Variants in FGF13 observed in about 807,000 individuals in gnomAD.
The protein encoded by FGF13 is fibroblast growth factor homologous factor 2.
Under a neutral mutation model 19.5 loss-of-function variants are expected in FGF13, and 2 were observed. The ratio of observed to expected loss-of-function variants is 0.10; its 90% CI spans 0.04 to 0.32. The LOEUF (loss-of-function observed/expected upper bound fraction) is 0.32. Ranked by LOEUF, FGF13 falls within the 10% of genes least tolerant of loss-of-function variation. FGF13 has a pLI of 1.00. For missense variants in FGF13, 113 were observed against 192.7 expected, an observed-to-expected ratio of 0.59 and a Z score of 2.45; for synonymous variants, 72 against 76.9, an observed-to-expected ratio of 0.94 and a Z score of 0.33.
intron 1 of FGF13, among the ~76,000 whole-genome samples, chrX:138,902,314 T>C (rs761147090): frequency 8.9e-6 from 1 of 112,241 alleles, no homozygotes; most frequent in South Asian, 3.7e-4. Flanking sequence ...ACCCATTTTG[T>C]ATAATACAGA....
chrX:139,083,399 G>C (rs2083383716), intron 1 of FGF13, among the ~76,000 whole-genome samples: 1 of 112,106 alleles, frequency 8.9e-6, no homozygotes, highest in Non-Finnish European at 1.9e-5. Flanking sequence ...GTGCCGATGA[G>C]TGAGGCCTTT....
chrX:139,034,812 A>C (rs2092245347), intron 1 of FGF13, among the ~76,000 whole-genome samples: 1 of 112,110 alleles, frequency 8.9e-6, no homozygotes, highest in Non-Finnish European at 1.9e-5. Flanking sequence ...GGAGTTAGGA[A>C]TTACTTTTTA....
chrX:139,028,371 T>C (rs193169707), intron 1 of FGF13, among the ~76,000 whole-genome samples: 27 of 111,161 alleles, frequency 2.4e-4, no homozygotes, highest in African/African-American at 8.8e-4. Flanking sequence ...CACAAACAAA[T>C]AGAGTAATCC....
At chrX:139,002,594 G>C (rs1330212654) in intron 1 of FGF13, among the ~76,000 whole-genome samples, 1 of 110,689 alleles carries the variant, frequency 9.0e-6, no homozygotes, top group Non-Finnish European at 1.9e-5. Flanking sequence ...AAGCTGTACA[G>C]CTTGCAGTTC....
At chrX:139,183,252 G>C (rs755485301) in intron 1 of FGF13, among the ~76,000 whole-genome samples, 1 of 112,091 alleles carries the variant, frequency 8.9e-6, no homozygotes, top group South Asian at 3.7e-4. Context: ...TTTCACATTA[G>C]GTCTGTGACC....
At chrX:139,091,081 T>C (rs919380769) in intron 1 of FGF13, among the ~76,000 whole-genome samples, 2 of 110,785 alleles carry the variant, frequency 1.8e-5, no homozygotes, top group African/African-American at 6.6e-5. Context: ...TTGCTCTCTC[T>C]CTTTGTCTAA....
chrX:138,802,855 A>G (rs1293001690), intron 3 of FGF13, among the ~76,000 whole-genome samples: 1 of 111,617 alleles, frequency 9.0e-6, no homozygotes, highest in Non-Finnish European at 1.9e-5. Flanking sequence ...CGCCCCCTCC[A>G]AAGCATCAAT....
chrX:139,154,295 C>T (rs2083959730), intron 1 of FGF13, among the ~76,000 whole-genome samples: 1 of 111,180 alleles, frequency 9.0e-6, no homozygotes, highest in South Asian at 3.8e-4. Flanking sequence ...CTGAGAGTCG[C>T]CATGAGTTTT....
chrX:138,931,740 A>G (rs977988928), intron 1 of FGF13, among the ~76,000 whole-genome samples: 2 of 112,254 alleles, frequency 1.8e-5, no homozygotes, highest in Non-Finnish European at 3.8e-5. Flanking sequence ...GGCAGAATTT[A>G]TCATTTGCAA....
chrX:139,010,791 G>T (rs2124372896), intron 1 of FGF13, among the ~76,000 whole-genome samples: 1 of 108,185 alleles, frequency 9.2e-6, no homozygotes, highest in Admixed American at 1.0e-4. Context: ...CAGAAGAAAA[G>T]AAATAATGAA....
intron 3 of FGF13, among the ~76,000 whole-genome samples, chrX:138,798,856 G>A (rs1220962147): frequency 2.7e-5 from 3 of 109,094 alleles, no homozygotes; most frequent in African/African-American, 1.0e-4. Flanking sequence ...TTTGTGTAGA[G>A]TTGTTTATAG....
At chrX:138,796,783 T>A (rs2090781988) in intron 3 of FGF13, among the ~76,000 whole-genome samples, 1 of 112,282 alleles carries the variant, frequency 8.9e-6, no homozygotes, top group Non-Finnish European at 1.9e-5. Context: ...CTCATTGTGG[T>A]TTTGGTTTGC....
At chrX:138,913,316 G>A (rs929929027) in intron 1 of FGF13, among the ~76,000 whole-genome samples, 11 of 104,618 alleles carry the variant, frequency 1.1e-4, no homozygotes, top group African/African-American at 3.9e-4. Context: ...ACAGGCGTGT[G>A]CCACTACACC....
intron 1 of FGF13, among the ~76,000 whole-genome samples, chrX:139,139,231 C>T (rs977203096): frequency 8.9e-6 from 1 of 111,771 alleles, no homozygotes; most frequent in East Asian, 2.8e-4. Flanking sequence ...CCATGCCCGA[C>T]CTGTTATTAA....
At chrX:139,044,656 T>TAAAA (rs764351374) in intron 1 of FGF13, among the ~76,000 whole-genome samples, 2 of 110,041 alleles carry the variant, frequency 1.8e-5, no homozygotes, top group African/African-American at 6.6e-5. Flanking sequence ...ATTCCAGCAT[T>TAAAA]AAAAAAAAGG....
intron 3 of FGF13, among the ~76,000 whole-genome samples, chrX:138,681,099 G>A (rs1007048897): frequency 9.4e-6 from 1 of 106,318 alleles, no homozygotes; most frequent in Admixed American, 1.0e-4. Context: ...TCTTGAACCC[G>A]GGAGGCAGAG....
intron 3 of FGF13, among the ~76,000 whole-genome samples, chrX:138,804,476 A>T (rs1400828958): frequency 8.9e-6 from 1 of 112,098 alleles, no homozygotes; most frequent in South Asian, 3.7e-4. Context: ...GGAGCCATTA[A>T]TTGTTCAATG....
chrX:138,844,345 C>T (rs1165408064), intron 3 of FGF13, among the ~76,000 whole-genome samples: 2 of 112,154 alleles, frequency 1.8e-5, no homozygotes, highest in Non-Finnish European at 3.8e-5. Context: ...AAGCCTTAAA[C>T]TTTACAGGCA....
At chrX:138,791,029 AAT>A (rs1395395462) in intron 3 of FGF13, among the ~76,000 whole-genome samples, 1 of 112,425 alleles carries the variant, frequency 8.9e-6, no homozygotes, top group Non-Finnish European at 1.9e-5. Context: ...TACAAATAAA[AAT>A]ATGTCAAGAA....
Sources: gnomAD v4.1 joint callset for allele counts (sites outside exome capture counted in the v4.1 genomes callset) on GRCh38, gnomAD v4.1.1 for gene constraint, MANE v1.5 for transcripts, NCBI Gene and HGNC (gene_info 2026-07-23, HGNC 2026-07-21) for gene names.